GRIN2C: variants seen among roughly 807,000 people sequenced by gnomAD.
The protein encoded by GRIN2C is glutamate receptor ionotropic, NMDA 2C.
A neutral mutation model predicts 77.7 loss-of-function variants in GRIN2C; 64 were observed. That is an observed-to-expected ratio of 0.82 (90% CI 0.67 to 1.01). The LOEUF is 1.01. Among genes scored for constraint, GRIN2C ranks in the 50% least tolerant of loss-of-function variants. The probability of loss-of-function intolerance (pLI) is 0.00; values close to 1 mark genes in which losing one functional copy is unlikely to be tolerated. For missense variants in GRIN2C, 1,549 were observed against 1,486.0 expected, an observed-to-expected ratio of 1.04 and a Z score of -0.70; for synonymous variants, 792 against 643.4, an observed-to-expected ratio of 1.23 and a Z score of -3.49.
chr17:74,844,880 A>G (rs2037409284), intron 11 of GRIN2C, among the ~76,000 whole-genome samples: 1 of 152,196 alleles, frequency 6.6e-6, no homozygotes, highest in Admixed American at 6.5e-5. Flanking sequence ...ACACAGAGAC[A>G]AAAGGCCTAG....
upstream of GRIN2C, chr17:74,860,837 G>A (rs944445786): frequency 1.4e-5 from 4 of 286,504 alleles, no homozygotes; most frequent in Non-Finnish European, 6.8e-6. Context: ...GAAGAAGCGG[G>A]ACTCGCGGCG....
Position 74,850,748 on chromosome 17 carries a change from C to G in GRIN2C, c.1133G>C (p.Gly378Ala). ...CACGGGGTACTTCATGTATAGGACG[C>G]CATGCTCCCAGCGCCCCACCTGTGG... ...LWEMVGRWEH[G>A]VLYMKYPVWP... Residue 378 changes from glycine (G) to alanine (A), a missense_variant, in exon 5 of 13, where the codon GGC becomes GCC. By Grantham distance (60) the Gly-to-Ala change is moderately conservative. Coordinates refer to ENST00000293190, the MANE Select transcript of GRIN2C (RefSeq NM_000835.6). The surrounding 1 kb of genome is among the most constrained non-coding windows in gnomAD (Gnocchi z 5.3). 6.2e-7 allele frequency: 1 copy of G among 1,612,618 alleles called. No homozygotes were observed. Among genetic ancestry groups the G allele is most frequent in the Non-Finnish European group, 8.5e-7 (1 of 1,179,694 alleles).
In GRIN2C at chr17:74,844,422, C is replaced by T; in HGVS notation, c.2437G>A (p.Asp813Asn). The change falls in exon 12 of 13, where the codon GAC becomes AAC. Residue 813 changes from aspartate (D) to asparagine (N), a missense_variant. Coordinates refer to ENST00000293190, the MANE Select transcript of GRIN2C (RefSeq NM_000835.6). ...NEVMSSKLDI[D>N]NMAGVFYMLL... ...ATGTAGAAGACGCCTGCCATGTTGT[C>T]GATGTCCAGCTTGCTGCTCATCACC... The T allele has an allele frequency of 1.2e-6, 2 of 1,614,198 alleles. No individual in the cohort carries two copies. The highest frequency in any genetic ancestry group is 1.7e-6 in the Non-Finnish European group (2 of 1,180,032).
rs752144006 is a variant in GRIN2C, at chr17:74,850,034, G to C, written c.1492-101C>G. Reference sequence around the variant, plus strand: ...ACCCCTTCTAGCACCCACCAGCTGAGTCAATCATTCCCTCTGGGGCCCTCA... The same window carrying C: ...ACCCCTTCTAGCACCCACCAGCTGACTCAATCATTCCCTCTGGGGCCCTCA... On this transcript the variant is annotated intron_variant, in intron 6 of 12. Coordinates refer to ENST00000293190, the MANE Select transcript of GRIN2C (RefSeq NM_000835.6). This position sits in a 1 kb window ranked among gnomAD's most constrained non-coding sequence, Gnocchi z 5.3. 5.7e-5 allele frequency: 80 copies of C among 1,406,832 alleles called. No homozygotes were observed. Among genetic ancestry groups the C allele is most frequent in the Non-Finnish European group, 7.7e-5 (79 of 1,022,844 alleles). The allele number at this position is 1,406,832 out of a possible 1,614,324, so 87.1% of individuals were successfully genotyped here. A position where few individuals can be genotyped will look rare whatever the true frequency, so the allele number is the denominator to read the frequency against.
chr17:74,855,836 C>T (rs554343331), intron 1 of GRIN2C, among the ~76,000 whole-genome samples: 11 of 152,380 alleles, frequency 7.2e-5, no homozygotes, highest in African/African-American at 2.2e-4. Flanking sequence ...CTGCCTGGCA[C>T]AGAGCCCCCT....
rs1459806115 is a variant in GRIN2C at position 74,852,534 on chromosome 17, C to T, written c.477G>A (p.Glu159=). ...TGACGGCGAAGGCGCTCCAGTCGTA[C>T]TCTTCCAGCACCTTGAACAGCACCT... ...QLQVLFKVLE[E]YDWSAFAVIT... The change falls in exon 3 of 13, where the codon GAG becomes GAA. Residue 159 remains glutamate (E), a synonymous_variant. Transcript: ENST00000293190. The T allele has an allele frequency of 5.7e-6, 9 of 1,567,094 alleles. No individual in the cohort carries two copies. Among genetic ancestry groups the T allele is most frequent in the Non-Finnish European group, 6.9e-6 (8 of 1,164,226 alleles).
Position 74,847,706 on chromosome 17 carries a change from G to T in GRIN2C, c.1771+146C>A. 1.2e-6 allele frequency: 1 copy of T among 853,796 alleles called. No homozygotes were observed. The highest frequency in any genetic ancestry group is 1.9e-6 in the Non-Finnish European group (1 of 537,486). The allele number at this position is 853,796 out of a possible 1,614,324, so 52.9% of individuals were successfully genotyped here. ...TGAGCTCACGTGTGTGTTTCTGTGT[G>T]TGTGTGTCATCTGACTGGCCCCCAG... is the stretch of plus-strand genomic sequence containing the variant. On this transcript the variant is annotated intron_variant, in intron 8 of 12. Transcript: ENST00000293190. This position sits in a 1 kb window ranked among gnomAD's most constrained non-coding sequence, Gnocchi z 5.2.
chr17:74,844,611 G>C, intron 11 of GRIN2C, 103 bp from the exon 12 acceptor site: 1 of 1,489,744 alleles, frequency 6.7e-7, no homozygotes, highest in Non-Finnish European at 8.9e-7. Flanking sequence ...TCTGGGGCAG[G>C]GTGCCACCCA....
At chr17:74,845,976 C>T in intron 11 of GRIN2C, 90 bp downstream of exon 11, 2 of 1,238,024 alleles carry the variant, frequency 1.6e-6, no homozygotes, top group South Asian at 1.3e-5. Flanking sequence ...TCCCTGCTCA[C>T]AGGCCTTGGG....
Position 74,850,493 on chromosome 17 carries a change from C to T in GRIN2C, c.1325+63G>A, listed in dbSNP as rs2037604380. The T allele has an allele frequency of 1.1e-5, 18 of 1,575,076 alleles. No homozygotes were observed. The highest frequency in any genetic ancestry group is 6.7e-5 in the Admixed American group (4 of 59,932). The stretch of plus-strand genomic sequence containing the variant: ...CCCACACCCAAGCATGGGACATACA[C>T]GACACCTGACCATCACACGGCAGCA... On this transcript the variant is annotated intron_variant, in intron 5 of 12. Coordinates refer to ENST00000293190, the MANE Select transcript of GRIN2C (RefSeq NM_000835.6). This position sits in a 1 kb window ranked among gnomAD's most constrained non-coding sequence, Gnocchi z 5.3.
intron 1 of GRIN2C, among the ~76,000 whole-genome samples, chr17:74,857,082 G>A (rs1234516008): frequency 2.0e-5 from 3 of 152,204 alleles, no homozygotes; most frequent in Non-Finnish European, 4.4e-5. Flanking sequence ...CAGGAACTTA[G>A]AGTCAAATCT....
chr17:74,854,676 A>G lies in GRIN2C; in HGVS notation c.399+18T>C. 5.0e-6 allele frequency: 8 copies of G among 1,594,508 alleles called. No homozygotes were observed. The highest frequency in any genetic ancestry group is 6.9e-6 in the Non-Finnish European group (8 of 1,164,432). On this transcript the variant is annotated intron_variant, in intron 2 of 12. Coordinates refer to ENST00000293190, the MANE Select transcript of GRIN2C (RefSeq NM_000835.6). ...TTCCAGGCCTGAGGCACGAGGGGAC[A>G]TGAGTTTGGACATGCACCTTGGGGG... is the stretch of plus-strand genomic sequence containing the variant.
chr17:74,846,377 C>T lies in GRIN2C; in HGVS notation c.2163-124G>A. 1 of 766,026 alleles carries T rather than the reference C, an allele frequency of 1.3e-6. No individual in the cohort carries two copies. Among genetic ancestry groups the T allele is most frequent in the South Asian group, 1.7e-5 (1 of 60,440 alleles). 47.5% of individuals were successfully genotyped at this position (766,026 alleles called of 1,614,324 possible). A position where few individuals can be genotyped will look rare whatever the true frequency, so the allele number is the denominator to read the frequency against. On this transcript the variant is annotated intron_variant, in intron 10 of 12. Transcript: ENST00000293190. The surrounding 1 kb of genome is among the most constrained non-coding windows in gnomAD (Gnocchi z 4.4). ...GGCACCCCCGGGAGGGACCAATGGG[C>T]AGAGACTTGTCTGGTTCTCTTGGGT...
Position 74,846,224 on chromosome 17 carries a change from G to A in GRIN2C, c.2192C>T (p.Ala731Val). Residue 731 changes from alanine (A) to valine (V), a missense_variant, in exon 11 of 13, where the codon GCT becomes GTT. Physicochemically the swap from Ala to Val is moderately conservative, Grantham distance 64. Around this residue, in one of 3 missense-constraint regions of GRIN2C, gnomAD observed 717 missense variants for 858.1 expected, o/e 0.84. Transcript: ENST00000293190. The surrounding 1 kb of genome is among the most constrained non-coding windows in gnomAD (Gnocchi z 4.4). Reference protein sequence around the residue: ...GKLDAFIYDAAVLNYMAGKDE... With the variant: ...GKLDAFIYDAVVLNYMAGKDE... ...CTTGCCTGCCATGTAGTTGAGGACA[G>A]CAGCATCATAGATGAAGGCATCCAG... 2 of 1,614,172 alleles carry A rather than the reference G, an allele frequency of 1.2e-6. No homozygotes were observed. Among genetic ancestry groups the A allele is most frequent in the South Asian group, 2.2e-5 (2 of 91,088 alleles).
intron 7 of GRIN2C, 149 bp from the exon 8 acceptor site, chr17:74,848,126 A>G: frequency 1.3e-6 from 1 of 784,410 alleles, no homozygotes; most frequent in Non-Finnish European, 2.0e-6. Context: ...GACTCAGAGC[A>G]GCAGAGCCCC....
Position 74,852,180 on chromosome 17 carries a change from G to A in GRIN2C, c.831C>T (p.Val277=), listed in dbSNP as rs2037668873. ...ATFPVGLISV[V]TESWRLSLRQ... The stretch of plus-strand genomic sequence containing the variant: ...GCAGGCTGAGGCGCCAGCTCTCGGT[G>A]ACGACGCTGATGAGGCCCACGGGGA... The change falls in exon 3 of 13, where the codon GTC becomes GTT. Residue 277 remains valine, a synonymous_variant. Coordinates refer to ENST00000293190, the MANE Select transcript of GRIN2C (RefSeq NM_000835.6). 2.7e-6 allele frequency: 4 copies of A among 1,461,854 alleles called. No homozygotes were observed. The highest frequency in any genetic ancestry group is 3.6e-6 in the Non-Finnish European group (4 of 1,109,268). 90.6% of individuals were successfully genotyped at this position (1,461,854 alleles called of 1,614,324 possible). A position where few individuals can be genotyped will look rare whatever the true frequency, so the allele number is the denominator to read the frequency against.
chr17:74,843,809 G>C (rs563139737), intron 12 of GRIN2C, among the ~76,000 whole-genome samples: 2 of 152,022 alleles, frequency 1.3e-5, no homozygotes, highest in Admixed American at 1.3e-4. Context: ...CACACCTGTG[G>C]GGGGGACTCT....
Position 74,842,969 on chromosome 17 carries a change from A to G in GRIN2C, c.3168T>C (p.Gly1056=). 1 of 531,818 alleles carries G rather than the reference A, an allele frequency of 1.9e-6. No homozygotes were observed. Among genetic ancestry groups the G allele is most frequent in the Non-Finnish European group, 3.3e-6 (1 of 306,898 alleles). The allele number at this position is 531,818 out of a possible 1,614,324, so 32.9% of individuals were successfully genotyped here. The change falls in exon 13 of 13, where the codon GGT becomes GGC. Residue 1056 remains glycine (G), a synonymous_variant. Transcript: ENST00000293190. ...FPELEDLPLL[G]PEQLARREAL... ...CCTCCCGCCGGGCCAGCTGCTCCGG[A>G]CCGAGCAGCGGCAGGTCCTCCAGCT...
Position 74,852,458 on chromosome 17 carries a change from CG to C in GRIN2C, c.552del (p.Val185SerfsTer7), listed in dbSNP as rs2037687377. The C allele has an allele frequency of 6.5e-7, 1 of 1,549,228 alleles. No homozygotes were observed. The highest frequency in any genetic ancestry group is 1.9e-5 in the Admixed American group (1 of 53,910). ...CAACTCACGTGGCTGGCGTCGGCGA[CG>C]GCGCGCACGCCCTCCAGGAAGAGCG... ...GHALFLEGVR[A>X]VADASHVSWR... is the part of the protein sequence containing the mutation. On this transcript the variant is annotated frameshift_variant, in exon 3 of 13. Transcript: ENST00000293190. LOFTEE classifies it high-confidence loss of function.
Sources: allele counts gnomAD v4.1 joint callset (sites outside exome capture counted in the v4.1 genomes callset), GRCh38; gene constraint gnomAD v4.1.1; regional missense constraint gnomAD v4.1.1; non-coding constraint Gnocchi (gnomAD v3.1); transcripts MANE v1.5; gene names NCBI Gene and HGNC (gene_info 2026-07-23, HGNC 2026-07-21).